AGPAT3: variants seen among roughly 807,000 people sequenced by gnomAD.
AGPAT3 encodes the protein 1-acylglycerol-3-phosphate O-acyltransferase 3.
AGPAT3 carries 5 observed loss-of-function variants against 47.3 expected under a neutral mutation model. The observed-to-expected ratio is 0.11, with a 90% confidence interval of 0.06 to 0.22. AGPAT3 has a LOEUF of 0.22. Ranked by LOEUF, AGPAT3 falls within the 10% of genes least tolerant of loss-of-function variation. The pLI, the probability that AGPAT3 is intolerant of heterozygous loss-of-function variation, is 1.00. For synonymous variants in AGPAT3, 212 were observed against 208.3 expected, an observed-to-expected ratio of 1.02 and a Z score of -0.15; for missense variants, 315 against 493.0, an observed-to-expected ratio of 0.64 and a Z score of 3.42.
At chr21:43,958,292 TGTG>T (rs1206466357) in intron 2 of AGPAT3, among the ~76,000 whole-genome samples, 2 of 151,922 alleles carry the variant, frequency 1.3e-5, no homozygotes, top group Admixed American at 6.6e-5. Context: ...TGTGTGAGAC[TGTG>T]GTGCATATGA....
chr21:43,928,241 T>G (rs1294666063), intron 2 of AGPAT3, among the ~76,000 whole-genome samples: 1 of 152,226 alleles, frequency 6.6e-6, no homozygotes, highest in Non-Finnish European at 1.5e-5. Context: ...AGGGGCCCTC[T>G]TCTCCGGGGC....
At chr21:43,893,276 A>C (rs116838074) in intron 1 of AGPAT3, among the ~76,000 whole-genome samples, 1 of 152,114 alleles carries the variant, frequency 6.6e-6, no homozygotes, top group South Asian at 2.1e-4. Flanking sequence ...CTAGCTTCCA[A>C]CTTTTTCTCT....
rs1007371424 is a variant in AGPAT3, at chr21:43,932,487, C to T, written c.-48-27147C>T. On this transcript the variant is annotated intron_variant, in intron 2 of 9. Coordinates refer to ENST00000291572, the MANE Select transcript of AGPAT3 (RefSeq NM_020132.5). This position sits in a 1 kb window ranked among gnomAD's most constrained non-coding sequence, Gnocchi z 5.2. ...TAATAACACGGCGTTACGCACCGCA[C>T]GCTCGCTATCCATTCGTCTGTTGGT... Among the ~76,000 whole-genome samples, 10 of 152,218 alleles carry T rather than the reference C, an allele frequency of 6.6e-5. No homozygotes were observed. The highest frequency in any genetic ancestry group is 3.8e-4 in the East Asian group (2 of 5,204).
At chr21:43,885,317 G>T (rs112132497) in intron 1 of AGPAT3, among the ~76,000 whole-genome samples, 115 of 152,168 alleles carry the variant, frequency 7.6e-4, no homozygotes, top group African/African-American at 2.7e-3. Context: ...GTTCCTAGTT[G>T]GTCTCCAGTT....
At chr21:43,883,177 C>T (rs142470068) in intron 1 of AGPAT3, among the ~76,000 whole-genome samples, 29 of 152,274 alleles carry the variant, frequency 1.9e-4, no homozygotes, top group African/African-American at 6.3e-4. Context: ...CACTCCACTG[C>T]GCATGCTCTG....
At chr21:43,915,551 A>T (rs1227550494) in intron 2 of AGPAT3, among the ~76,000 whole-genome samples, 1 of 149,304 alleles carries the variant, frequency 6.7e-6, no homozygotes, top group Admixed American at 6.7e-5. Context: ...AGCTGGGATT[A>T]CAGGCATGCA....
chr21:43,958,173 T>C (rs2088582766), intron 2 of AGPAT3, among the ~76,000 whole-genome samples: 1 of 152,230 alleles, frequency 6.6e-6, no homozygotes, highest in Admixed American at 6.5e-5. Flanking sequence ...TTAATCACTA[T>C]CAATATTTGG....
intron 2 of AGPAT3, among the ~76,000 whole-genome samples, chr21:43,949,586 G>A (rs1313758298): frequency 1.3e-5 from 2 of 152,242 alleles, no homozygotes; most frequent in African/African-American, 4.8e-5. Context: ...GGGTTCAAAA[G>A]GGTGGGGAGT....
At chr21:43,873,462 C>T (rs921865100) in intron 1 of AGPAT3, among the ~76,000 whole-genome samples, 5 of 152,324 alleles carry the variant, frequency 3.3e-5, no homozygotes, top group Non-Finnish European at 7.3e-5. Flanking sequence ...TCTGCATCCT[C>T]TGCCTCCCGG....
Position 43,985,395 on chromosome 21 carries a change from T to TG in AGPAT3, c.*3004dup. ...CAACAATGTAAGCAGCACTTTCTTG[T>TG]GTAAAAAAAAAAAAAAAGCACGTCC... On this transcript the variant is annotated 3_prime_UTR_variant, in exon 10 of 10. Coordinates refer to ENST00000291572, the MANE Select transcript of AGPAT3 (RefSeq NM_020132.5). 1 of 299,090 alleles carries TG rather than the reference T, an allele frequency of 3.3e-6. No individual in the cohort carries two copies. Among genetic ancestry groups the TG allele is most frequent in the Non-Finnish European group, 6.5e-6 (1 of 153,360 alleles). The allele number at this position is 299,090 out of a possible 1,614,324, so 18.5% of individuals were successfully genotyped here. A position where few individuals can be genotyped will look rare whatever the true frequency, so the allele number is the denominator to read the frequency against.
chr21:43,884,632 G>A (rs1312957929), intron 1 of AGPAT3, among the ~76,000 whole-genome samples: 1 of 142,584 alleles, frequency 7.0e-6, no homozygotes, highest in African/African-American at 2.5e-5. Context: ...GGTGCTGGAC[G>A]TTGGGTGCCC....
rs557007026 is a variant in AGPAT3 at position 43,933,988 on chromosome 21, C to T, written c.-48-25646C>T. Among the ~76,000 whole-genome samples the T allele has an allele frequency of 6.6e-6, 1 of 152,228 alleles. No homozygotes were observed. The highest frequency in any genetic ancestry group is 1.5e-5 in the Non-Finnish European group (1 of 68,044). On this transcript the variant is annotated intron_variant, in intron 2 of 9. Coordinates refer to ENST00000291572, the MANE Select transcript of AGPAT3 (RefSeq NM_020132.5). The surrounding 1 kb of genome is among the most constrained non-coding windows in gnomAD (Gnocchi z 6.0). Reference sequence around the variant, plus strand: ...GCTGTCACTGTGTGGACTGGCCACACCTGGTGTGCCGCTTCCTTTCTCAGT... The same window carrying T: ...GCTGTCACTGTGTGGACTGGCCACATCTGGTGTGCCGCTTCCTTTCTCAGT...
chr21:43,894,214 TTTC>T lies in AGPAT3; in HGVS notation c.-111-9740_-111-9738del, dbSNP rs1253777266. The stretch of plus-strand genomic sequence containing the variant: ...CAGGGGCCAGGTATTTCTTTCTTTC[TTTC>T]TTTTTTTTTTTTTTTTAACTTCTCT... On this transcript the variant is annotated intron_variant, in intron 1 of 9. Coordinates refer to ENST00000291572, the MANE Select transcript of AGPAT3 (RefSeq NM_020132.5). 4.4e-5 allele frequency among the ~76,000 whole-genome samples: 6 copies of T among 135,232 alleles called. No homozygotes were observed. In the South Asian group the frequency reaches 1.0e-3, roughly 23 times the overall value. The allele number at this position is 135,232 out of a possible 152,430, so 88.7% of individuals were successfully genotyped here.
rs1216695231 is a variant in AGPAT3 at position 43,970,331 on chromosome 21, T to C, written c.511-322T>C. Among the ~76,000 whole-genome samples, 1 of 152,210 alleles carries C rather than the reference T, an allele frequency of 6.6e-6. No individual in the cohort carries two copies. The highest frequency in any genetic ancestry group is 1.5e-5 in the Non-Finnish European group (1 of 68,040). ...TGCTGTTAACATTTCTAACTCATGC[T>C]GTGGCAAGTCGATGAAACCCTCTCT... On this transcript the variant is annotated intron_variant, in intron 5 of 9. Transcript: ENST00000291572. This position sits in a 1 kb window ranked among gnomAD's most constrained non-coding sequence, Gnocchi z 5.8.
chr21:43,865,266 G>C lies in AGPAT3; in HGVS notation c.-191G>C, dbSNP rs1308349363. 1 of 147,306 alleles carries C rather than the reference G, an allele frequency of 6.8e-6. No individual in the cohort carries two copies. Among genetic ancestry groups the C allele is most frequent in the Non-Finnish European group, 1.5e-5 (1 of 65,886 alleles). 9.1% of individuals were successfully genotyped at this position (147,306 alleles called of 1,614,324 possible). Reference sequence around the variant, plus strand: ...GCAGGGCCGGGCCGGGCCCAGGGCCGAGGAGCGCGGCGGCCAGAGCGGGGC... The same window carrying C: ...GCAGGGCCGGGCCGGGCCCAGGGCCCAGGAGCGCGGCGGCCAGAGCGGGGC... On this transcript the variant is annotated 5_prime_UTR_variant, in exon 1 of 10. Coordinates refer to ENST00000291572, the MANE Select transcript of AGPAT3 (RefSeq NM_020132.5).
chr21:43,945,897 A>C (rs1569080711), intron 2 of AGPAT3, among the ~76,000 whole-genome samples: 2 of 152,094 alleles, frequency 1.3e-5, no homozygotes. Context: ...ACTCATCCCC[A>C]GGCAGCCCTG....
rs2146789986 is a variant in AGPAT3, at chr21:43,970,895, A to G, written c.664+89A>G. On this transcript the variant is annotated intron_variant, in intron 6 of 9. Coordinates refer to ENST00000291572, the MANE Select transcript of AGPAT3 (RefSeq NM_020132.5). The surrounding 1 kb of genome is among the most constrained non-coding windows in gnomAD (Gnocchi z 5.8). ...AAAAAAAAAAAAATGAGTGCATTCC[A>G]TGTGAAACACAGAAGAACAGAAGTG... 7.4e-7 allele frequency: 1 copy of G among 1,348,018 alleles called. No homozygotes were observed. The highest frequency in any genetic ancestry group is 9.7e-7 in the Non-Finnish European group (1 of 1,032,428). The allele number at this position is 1,348,018 out of a possible 1,614,324, so 83.5% of individuals were successfully genotyped here.
rs182628674 is a variant in AGPAT3 at position 43,985,482 on chromosome 21, A to G, written c.*3090A>G. The G allele has an allele frequency of 1.2e-4, 37 of 319,590 alleles. 1 individual carries two copies. Among genetic ancestry groups the G allele is most frequent in the South Asian group, 6.8e-4 (27 of 39,808 alleles). The allele number at this position is 319,590 out of a possible 1,614,324, so 19.8% of individuals were successfully genotyped here. ...CCGACTCCCTTTCGCGCACCGTGGC[A>G]TGAGAATCTTTCCTCACGCTGTTCG... On this transcript the variant is annotated 3_prime_UTR_variant, in exon 10 of 10. Transcript: ENST00000291572.
rs147127412 is a variant in AGPAT3 at position 43,874,706 on chromosome 21, G to A, written c.-112+9361G>A. ...TGCTTTTATAGTCTCTTTATTTCTG[G>A]TGTTTTTCAACTTGACTGTGGTCTT... On this transcript the variant is annotated intron_variant, in intron 1 of 9. Coordinates refer to ENST00000291572, the MANE Select transcript of AGPAT3 (RefSeq NM_020132.5). 4.5e-4 allele frequency among the ~76,000 whole-genome samples: 69 copies of A among 152,224 alleles called. 1 individual carries two copies. Among genetic ancestry groups the A allele is most frequent in the African/African-American group, 1.5e-3 (62 of 41,534 alleles).
Sources: gnomAD v4.1 joint callset for allele counts (sites outside exome capture counted in the v4.1 genomes callset) on GRCh38, gnomAD v4.1.1 for gene constraint, Gnocchi (gnomAD v3.1) non-coding constraint, MANE v1.5 for transcripts, NCBI Gene and HGNC (gene_info 2026-07-23, HGNC 2026-07-21) for gene names.